The following MYLIP variants were observed in gnomAD, a reference collection of about 807,000 sequenced individuals.
MYLIP encodes the protein myosin regulatory light chain interacting protein, also known as E3 ubiquitin-protein ligase MYLIP.
MYLIP carries 26 observed loss-of-function variants against 45.8 expected under a neutral mutation model. The observed-to-expected ratio is 0.57, with a 90% CI of 0.42 to 0.79. The LOEUF (loss-of-function observed/expected upper bound fraction) is 0.79, where lower values mean the gene tolerates loss of function less well. Among genes scored for constraint, MYLIP ranks in the 30% least tolerant of loss-of-function variants. The probability of loss-of-function intolerance (pLI) is 0.00; values close to 1 mark genes in which losing one functional copy is unlikely to be tolerated. For synonymous variants in MYLIP, 213 were observed against 218.1 expected (o/e 0.98, Z 0.21); for missense variants, 494 against 555.6 (o/e 0.89, Z 1.11).
chr6:16,136,274 T>C lies in MYLIP; in HGVS notation c.279-5351T>C, dbSNP rs1047599569. ...CCCACCGCACACCACACCTCTGTCA[T>C]GTGTTCTTCTACCAGAGATGAGCTA... On this transcript the variant is annotated intron_variant, in intron 2 of 6. Coordinates refer to ENST00000356840, the MANE Select transcript of MYLIP (RefSeq NM_013262.4). Among the ~76,000 whole-genome samples, 72 of 136,202 alleles carry C rather than the reference T, an allele frequency of 5.3e-4. 1 individual carries two copies. The highest frequency in any genetic ancestry group is 1.5e-3 in the African/African-American group (54 of 37,038). 89.4% of individuals were successfully genotyped at this position (136,202 alleles called of 152,430 possible).
At chr6:16,151,469 A>C (rs1759880516), downstream of MYLIP, among the ~76,000 whole-genome samples, 1 of 152,214 alleles carries the variant, frequency 6.6e-6, no homozygotes, top group Non-Finnish European at 1.5e-5. Context: ...AGCCTAAAAT[A>C]AATTAGGAAG....
chr6:16,155,476 T>C, the MYLIP span, among the ~76,000 whole-genome samples: 1 of 152,128 alleles, frequency 6.6e-6, no homozygotes, highest in African/African-American at 2.4e-5. Context: ...GAATGAAAAA[T>C]ACTTTTCTGT....
intron 2 of MYLIP, among the ~76,000 whole-genome samples, chr6:16,132,207 A>G (rs1423223865): frequency 6.6e-6 from 1 of 152,244 alleles, no homozygotes; most frequent in Non-Finnish European, 1.5e-5. Context: ...GCATTTAAAC[A>G]ATGGCTGCAG....
chr6:16,145,125 G>A lies in MYLIP; in HGVS notation c.1056G>A (p.Lys352=), dbSNP rs1383573130. 1.9e-6 allele frequency: 3 copies of A among 1,614,216 alleles called. No individual in the cohort carries two copies. Among genetic ancestry groups the A allele is most frequent in the Non-Finnish European group, 2.5e-6 (3 of 1,180,042 alleles). Reference sequence around the variant, plus strand: ...AGAGCCCTTCACACTCGCCTCTGAAGTCCTCAGAAAGCAGCATGAACTGCA... The same window carrying A: ...AGAGCCCTTCACACTCGCCTCTGAAATCCTCAGAAAGCAGCATGAACTGCA... ...NNQSPSHSPL[K]SSESSMNCSS... The change falls in exon 6 of 7, where the codon AAG becomes AAA. Residue 352 remains lysine (K), a synonymous_variant. Coordinates refer to ENST00000356840, the MANE Select transcript of MYLIP (RefSeq NM_013262.4).
chr6:16,144,843 A>T, intron 5 of MYLIP, 54 bp from the exon 6 acceptor site: 1 of 1,549,022 alleles, frequency 6.5e-7, no homozygotes, highest in Non-Finnish European at 8.7e-7. Flanking sequence ...ACAGCGAATA[A>T]GGGTGCTGCC....
At chr6:16,145,824 T>C (rs1484851100) in intron 6 of MYLIP, among the ~76,000 whole-genome samples, 1 of 152,270 alleles carries the variant, frequency 6.6e-6, no homozygotes, top group Non-Finnish European at 1.5e-5. Context: ...TTGGCTGTTA[T>C]TTATTAGCAA....
chr6:16,143,169 G>T lies in MYLIP; in HGVS notation c.614G>T (p.Gly205Val). ...GGGCAGAAACTGCTCATTGGGGTTG[G>T]ACCTGAAGGAATCTCAATTTGTAAA... ...SEGQKLLIGV[G>V]PEGISICKDD... Residue 205 changes from glycine to valine, a missense_variant, in exon 4 of 7, where the codon GGA becomes GTA. By Grantham distance (109) the Gly-to-Val change is moderately radical (BLOSUM62 -3). Coordinates refer to ENST00000356840, the MANE Select transcript of MYLIP (RefSeq NM_013262.4). 6.2e-7 allele frequency: 1 copy of T among 1,614,162 alleles called. No homozygotes were observed. The highest frequency in any genetic ancestry group is 8.5e-7 in the Non-Finnish European group (1 of 1,180,022).
chr6:16,161,194 A>G, the MYLIP span: 75,266 of 242,378 alleles, frequency 0.31, 15,063 homozygotes, highest in East Asian at 0.73. Flanking sequence ...AGGAGTGACT[A>G]GAGCCTCTCG....
downstream of MYLIP, among the ~76,000 whole-genome samples, chr6:16,149,853 C>T (rs1337188332): frequency 6.6e-6 from 1 of 152,102 alleles, no homozygotes; most frequent in Non-Finnish European, 1.5e-5. Flanking sequence ...CTGTTTCTGA[C>T]TTGGAATAGA....
At chr6:16,132,912 AT>A (rs1759486117) in intron 2 of MYLIP, among the ~76,000 whole-genome samples, 1 of 152,204 alleles carries the variant, frequency 6.6e-6, no homozygotes, top group Admixed American at 6.5e-5. Flanking sequence ...TGATTTTTTT[AT>A]TCTTTTCTAA....
chr6:16,137,604 G>A (rs1192043700), intron 2 of MYLIP, among the ~76,000 whole-genome samples: 2 of 152,186 alleles, frequency 1.3e-5, no homozygotes, highest in Non-Finnish European at 2.9e-5. Flanking sequence ...GTAACTGAGA[G>A]GAACCCTCTA....
chr6:16,137,450 T>C (rs1053268960), intron 2 of MYLIP, among the ~76,000 whole-genome samples: 1 of 152,208 alleles, frequency 6.6e-6, no homozygotes, highest in African/African-American at 2.4e-5. Flanking sequence ...ATTGAGAATT[T>C]GAAAAAAATA....
In MYLIP at chr6:16,129,490, C is replaced by A; in HGVS notation, c.87+81C>A. 1 of 1,398,842 alleles carries A rather than the reference C, an allele frequency of 7.1e-7. No homozygotes were observed. The highest frequency in any genetic ancestry group is 9.8e-7 in the Non-Finnish European group (1 of 1,020,948). The allele number at this position is 1,398,842 out of a possible 1,614,324, so 86.7% of individuals were successfully genotyped here. ...CGCAGCGACGCCTGGCACTCTGGCG[C>A]GCCCCCTACTAGGGGCCGGGAGGCA... On this transcript the variant is annotated intron_variant, in intron 1 of 6. Coordinates refer to ENST00000356840, the MANE Select transcript of MYLIP (RefSeq NM_013262.4). This position sits in a 1 kb window ranked among gnomAD's most constrained non-coding sequence, Gnocchi z 5.1.
chr6:16,148,906 C>T (rs1161759383), downstream of MYLIP, among the ~76,000 whole-genome samples: 1 of 152,050 alleles, frequency 6.6e-6, no homozygotes, highest in African/African-American at 2.4e-5. Context: ...TTATCTGTAG[C>T]AATTGGAAGA....
At position 16,140,697 on chromosome 6, in the gene MYLIP, A is replaced by G. The variant is rs192153129; in HGVS notation, c.279-928A>G. On this transcript the variant is annotated intron_variant, in intron 2 of 6. Transcript: ENST00000356840. The stretch of plus-strand genomic sequence containing the variant: ...TTCCCAGGGAGAGGAATCGTTCCCT[A>G]TCCTGGGGCATAGCAGCTGCAGGGA... 2.5e-3 allele frequency among the ~76,000 whole-genome samples: 379 copies of G among 152,258 alleles called. 1 individual carries two copies. Among genetic ancestry groups the G allele is most frequent in the African/African-American group, 8.6e-3 (356 of 41,544 alleles).
At chr6:16,158,493 T>C in the MYLIP span, among the ~76,000 whole-genome samples, 1 of 152,196 alleles carries the variant, frequency 6.6e-6, no homozygotes, top group African/African-American at 2.4e-5. Context: ...AGGATTGATA[T>C]ATGTGAAAAA....
At chr6:16,155,511 C>T in the MYLIP span, among the ~76,000 whole-genome samples, 1 of 152,226 alleles carries the variant, frequency 6.6e-6, no homozygotes, top group Non-Finnish European at 1.5e-5. Flanking sequence ...CAAGTATCTT[C>T]TCTGGCTGAG....
At chr6:16,161,253 A>T in the MYLIP span, 1 of 353,042 alleles carries the variant, frequency 2.8e-6, no homozygotes, top group Admixed American at 2.8e-5. Flanking sequence ...CACCCGTGAA[A>T]TACACCCAGA....
the MYLIP span, among the ~76,000 whole-genome samples, chr6:16,162,403 G>T: frequency 6.6e-6 from 1 of 152,136 alleles, no homozygotes; most frequent in Non-Finnish European, 1.5e-5. Flanking sequence ...AACAGCCTAG[G>T]AGTAAGAAAT....
Sources: allele counts gnomAD v4.1 joint callset (sites outside exome capture counted in the v4.1 genomes callset), GRCh38; gene constraint gnomAD v4.1.1; non-coding constraint Gnocchi (gnomAD v3.1); transcripts MANE v1.5; gene names NCBI Gene and HGNC (gene_info 2026-07-23, HGNC 2026-07-21).